The following NOX4 variants were observed in gnomAD, a reference collection of about 807,000 sequenced individuals.
NOX4 encodes kidney oxidase-1.
NOX4 carries 69 observed loss-of-function variants against 87.6 expected under a neutral mutation model. That is an observed-to-expected ratio of 0.79 (90% CI 0.65 to 0.96). NOX4 has a LOEUF of 0.96. Among genes scored for constraint, NOX4 ranks in the 40% least tolerant of loss-of-function variants. The pLI, the probability that NOX4 is intolerant of heterozygous loss-of-function variation, is 0.00. For synonymous variants in NOX4, 275 were observed against 238.2 expected (o/e 1.15, Z -1.42); for missense variants, 680 against 681.5 (o/e 1.00, Z 0.02).
At chr11:89,587,488 T>C in the NOX4 span, among the ~76,000 whole-genome samples, 1 of 67,664 alleles carries the variant, frequency 1.5e-5, no homozygotes, top group African/African-American at 6.6e-5. Flanking sequence ...GGGAAAGGAT[T>C]GCGTTCCAGA....
At chr11:89,502,591 C>T (rs928227276), upstream of NOX4, among the ~76,000 whole-genome samples, 2 of 151,952 alleles carry the variant, frequency 1.3e-5, no homozygotes, top group Non-Finnish European at 2.9e-5. Context: ...GAGAATAAAA[C>T]TATCATTTTG....
In NOX4 at chr11:89,440,722, AAAAG is replaced by A. The variant is rs1944420153; in HGVS notation, c.448-11_448-8del. On this transcript the variant is annotated splice_polypyrimidine_tract_variant and splice_region_variant and intron_variant, in intron 5 of 17. Transcript: ENST00000263317. ...AGAGAAGTTTTCTAGGATCCTGAGA[AAAAG>A]AAAAAAAAATAAATGATTAAAAACT... 6.7e-7 allele frequency: 1 copy of A among 1,488,762 alleles called. No homozygotes were observed. Among genetic ancestry groups the A allele is most frequent in the Non-Finnish European group, 9.2e-7 (1 of 1,081,922 alleles). 92.2% of individuals were successfully genotyped at this position (1,488,762 alleles called of 1,614,324 possible).
At chr11:89,580,107 G>C in the NOX4 span, among the ~76,000 whole-genome samples, 1 of 152,242 alleles carries the variant, frequency 6.6e-6, no homozygotes, top group Non-Finnish European at 1.5e-5. Context: ...GCTTGAGTAA[G>C]TTGTATCATG....
chr11:89,492,903 C>T (rs556555919), upstream of NOX4, among the ~76,000 whole-genome samples: 2 of 152,212 alleles, frequency 1.3e-5, no homozygotes, highest in East Asian at 3.9e-4. Context: ...AATAAGAGAC[C>T]ATTTTTAAAA....
intron 11 of NOX4, among the ~76,000 whole-genome samples, chr11:89,396,666 A>G (rs895508092): frequency 6.6e-6 from 1 of 152,154 alleles, no homozygotes; most frequent in Non-Finnish European, 1.5e-5. Context: ...AGGGATTGCA[A>G]TCCTAGTCTC....
At chr11:89,470,026 G>A (rs1945859956) in intron 2 of NOX4, among the ~76,000 whole-genome samples, 1 of 151,488 alleles carries the variant, frequency 6.6e-6, no homozygotes, top group African/African-American at 2.4e-5. Flanking sequence ...TGTGGTCTTA[G>A]GTAACTATGT....
chr11:89,572,795 A>C, the NOX4 span, among the ~76,000 whole-genome samples: 5 of 152,052 alleles, frequency 3.3e-5, no homozygotes, highest in African/African-American at 9.7e-5. Flanking sequence ...ATAGTGTAAA[A>C]TCGAGTTTCG....
the NOX4 span, among the ~76,000 whole-genome samples, chr11:89,573,636 A>T: frequency 1.3e-5 from 2 of 152,202 alleles, no homozygotes; most frequent in African/African-American, 4.8e-5. Flanking sequence ...AGAAGAAAGA[A>T]TTCAATTTAG....
chr11:89,539,427 G>A, the NOX4 span, among the ~76,000 whole-genome samples: 2 of 151,616 alleles, frequency 1.3e-5, no homozygotes, highest in East Asian at 3.9e-4. Flanking sequence ...GCAAGACTCT[G>A]TCTCAAAAAA....
chr11:89,500,874 T>C (rs1483962104), upstream of NOX4, among the ~76,000 whole-genome samples: 1 of 152,116 alleles, frequency 6.6e-6, no homozygotes, highest in Non-Finnish European at 1.5e-5. Context: ...CTTAACTTAT[T>C]ATAGCCTGTT....
At chr11:89,564,138 T>C in the NOX4 span, among the ~76,000 whole-genome samples, 9 of 152,194 alleles carry the variant, frequency 5.9e-5, no homozygotes, top group Non-Finnish European at 1.3e-4. Flanking sequence ...ATGCACCGCA[T>C]GTTTCCTTAA....
chr11:89,398,837 G>A (rs1186277112), intron 11 of NOX4, among the ~76,000 whole-genome samples: 1 of 151,800 alleles, frequency 6.6e-6, no homozygotes, highest in Non-Finnish European at 1.5e-5. Flanking sequence ...CTTTCCTACT[G>A]TGAAATATTA....
chr11:89,450,793 A>G (rs1366976814), intron 3 of NOX4, among the ~76,000 whole-genome samples: 1 of 148,726 alleles, frequency 6.7e-6, no homozygotes, highest in Non-Finnish European at 1.5e-5. Context: ...CACTATTCAC[A>G]ATAGTAAAGA....
In NOX4 at chr11:89,326,928, A is replaced by G. The variant is rs189402685; in HGVS notation, c.1617-52T>C. ...AATCAGGTGTAAAATTAGGCAGAAC[A>G]TGACAAGAAGTATGCTTTATGAGCA... On this transcript the variant is annotated intron_variant, in intron 17 of 17. Transcript: ENST00000263317. The G allele has an allele frequency of 1.6e-4, 249 of 1,589,160 alleles. No homozygotes were observed. The African/African-American group carries it at 2.9e-3, about 19-fold the overall frequency.
chr11:89,580,533 T>G, the NOX4 span, among the ~76,000 whole-genome samples: 1 of 152,158 alleles, frequency 6.6e-6, no homozygotes, highest in Non-Finnish European at 1.5e-5. Context: ...AAACTAAGAA[T>G]TAAAACTAGT....
intron 3 of NOX4, 31 bp from the exon 4 acceptor site, chr11:89,449,555 T>C (rs200101770): frequency 6.5e-7 from 1 of 1,534,798 alleles, no homozygotes; most frequent in Admixed American, 1.7e-5. Flanking sequence ...ATGGTAAAAA[T>C]AATGCAACAA....
chr11:89,334,942 G>A (rs1945635376), intron 17 of NOX4, among the ~76,000 whole-genome samples: 1 of 151,632 alleles, frequency 6.6e-6, no homozygotes, highest in Admixed American at 6.6e-5. Flanking sequence ...AAAGAATGAT[G>A]TAAAACATCC....
chr11:89,553,876 C>CTT, the NOX4 span, among the ~76,000 whole-genome samples: 3 of 140,004 alleles, frequency 2.1e-5, no homozygotes, highest in African/African-American at 7.9e-5. Flanking sequence ...AAACAAACAT[C>CTT]TTTTTTTTTT....
chr11:89,496,296 T>C (rs866057428), upstream of NOX4, among the ~76,000 whole-genome samples: 2 of 152,210 alleles, frequency 1.3e-5, no homozygotes, highest in Non-Finnish European at 2.9e-5. Context: ...AAGGACCAGA[T>C]ACTTTGTTGG....
Sources: allele counts gnomAD v4.1 joint callset (sites outside exome capture counted in the v4.1 genomes callset), GRCh38; gene constraint gnomAD v4.1.1; transcripts MANE v1.5; gene names NCBI Gene and HGNC (gene_info 2026-07-23, HGNC 2026-07-21).